OR56A3: variants seen among roughly 807,000 people sequenced by gnomAD.
The protein encoded by OR56A3 is olfactory receptor family 56 subfamily A member 3, also known as olfactory receptor 56A3.
OR56A3 carries 23 observed loss-of-function variants against 17.5 expected under a neutral mutation model. The observed-to-expected ratio is 1.32, with a 90% CI of 0.95 to 1.87. The LOEUF (loss-of-function observed/expected upper bound fraction) is 1.87. OR56A3 is among the 40% of genes most tolerant of loss of function. The pLI is 0.00. For missense variants in OR56A3, 366 were observed against 380.1 expected, an observed-to-expected ratio of 0.96 and a Z score of 0.31; for synonymous variants, 175 against 150.6, an observed-to-expected ratio of 1.16 and a Z score of -1.19.
At chr11:6,008,426 G>A in the OR56A3 span, among the ~76,000 whole-genome samples, 67 of 152,218 alleles carry the variant, frequency 4.4e-4, no homozygotes, top group African/African-American at 1.6e-3. Context: ...AATGTATATT[G>A]CTAAGAGCAT....
rs1411606919 is a variant in OR56A3, at chr11:5,949,488, G to T, written c.*1194G>T. The T allele has an allele frequency of 6.6e-6, 1 of 152,144 alleles. No homozygotes were observed. The highest frequency in any genetic ancestry group is 1.5e-5 in the Non-Finnish European group (1 of 68,036). 9.4% of individuals were successfully genotyped at this position (152,144 alleles called of 1,614,324 possible). ...CCGCCTGGGAAGAAATCAAATAAGA[G>T]AATTCACTGTGTTTCCCATTATTCA... is the stretch of plus-strand genomic sequence containing the variant. On this transcript the variant is annotated 3_prime_UTR_variant, in exon 3 of 3. Coordinates refer to ENST00000641160, the MANE Select transcript of OR56A3 (RefSeq NM_001003443.3).
the OR56A3 span, among the ~76,000 whole-genome samples, chr11:6,013,873 C>T: frequency 6.6e-6 from 1 of 152,170 alleles, no homozygotes; most frequent in Non-Finnish European, 1.5e-5. Flanking sequence ...CACCAACACT[C>T]CCAGCAACCT....
chr11:5,950,968 T>C lies in OR56A3; in HGVS notation c.*2674T>C, dbSNP rs931254255. 2.0e-5 allele frequency: 3 copies of C among 152,150 alleles called. No individual in the cohort carries two copies. Among genetic ancestry groups the C allele is most frequent in the African/African-American group, 7.2e-5 (3 of 41,450 alleles). 9.4% of individuals were successfully genotyped at this position (152,150 alleles called of 1,614,324 possible). On this transcript the variant is annotated 3_prime_UTR_variant, in exon 3 of 3. Coordinates refer to ENST00000641160, the MANE Select transcript of OR56A3 (RefSeq NM_001003443.3). ...ATCTTATAATACAGTTATATTTATA[T>C]TATTTTGTTTTGGCTATAATTTTTC...
the OR56A3 span, among the ~76,000 whole-genome samples, chr11:6,016,820 T>TAA: frequency 3.0e-3 from 434 of 143,796 alleles, 1 homozygote; most frequent in East Asian, 0.01. Context: ...GAGATATCAT[T>TAA]AAAAAAAAAA....
the OR56A3 span, among the ~76,000 whole-genome samples, chr11:5,981,814 G>C: frequency 6.6e-6 from 1 of 152,140 alleles, no homozygotes; most frequent in Non-Finnish European, 1.5e-5. Flanking sequence ...GTTTGGATTT[G>C]TCCTTAGGAT....
chr11:6,015,013 A>AAAAAAAAAAAAAAC, the OR56A3 span, among the ~76,000 whole-genome samples: 1 of 150,714 alleles, frequency 6.6e-6, no homozygotes, highest in Non-Finnish European at 1.5e-5. Context: ...AAAAAAAAAA[A>AAAAAAAAAAAAAAC]AATGACCTGA....
the OR56A3 span, among the ~76,000 whole-genome samples, chr11:5,983,900 G>C: frequency 6.6e-6 from 1 of 152,170 alleles, no homozygotes; most frequent in Admixed American, 6.5e-5. Context: ...AAATACCATA[G>C]CCTAACCTGC....
the OR56A3 span, among the ~76,000 whole-genome samples, chr11:5,983,988 A>T: frequency 6.6e-6 from 1 of 152,204 alleles, no homozygotes; most frequent in Non-Finnish European, 1.5e-5. Flanking sequence ...TATTCCGCTA[A>T]GGTTCCATTT....
chr11:5,956,938 C>G, the OR56A3 span, among the ~76,000 whole-genome samples: 7 of 152,136 alleles, frequency 4.6e-5, no homozygotes, highest in Non-Finnish European at 7.3e-5. Flanking sequence ...AGGCAATTCC[C>G]TGAGGTCAGG....
chr11:5,960,677 C>A, the OR56A3 span, among the ~76,000 whole-genome samples: 1 of 152,090 alleles, frequency 6.6e-6, no homozygotes, highest in Non-Finnish European at 1.5e-5. Context: ...TGCCCGGCCG[C>A]CACCCCGTCT....
At chr11:5,972,308 A>G in the OR56A3 span, among the ~76,000 whole-genome samples, 1 of 152,324 alleles carries the variant, frequency 6.6e-6, no homozygotes, top group South Asian at 2.1e-4. Context: ...TAGGATTCCT[A>G]AATCTTCATG....
the OR56A3 span, chr11:6,020,354 G>T: frequency 6.6e-6 from 1 of 152,074 alleles, no homozygotes; most frequent in Non-Finnish European, 1.5e-5. Context: ...GAATGTCATT[G>T]GTAGTTTGAC....
At chr11:6,004,658 G>A in the OR56A3 span, among the ~76,000 whole-genome samples, 1 of 152,094 alleles carries the variant, frequency 6.6e-6, no homozygotes, top group African/African-American at 2.4e-5. Flanking sequence ...ACTGGAATAG[G>A]CACAATTATG....
the OR56A3 span, chr11:5,985,934 G>A: frequency 4.4e-6 from 7 of 1,596,554 alleles, no homozygotes; most frequent in Non-Finnish European, 6.0e-6. Context: ...ATGAGAATAT[G>A]TTCAGATCAA....
Position 5,950,835 on chromosome 11 carries a change from G to A in OR56A3, c.*2541G>A, listed in dbSNP as rs1160295179. On this transcript the variant is annotated 3_prime_UTR_variant, in exon 3 of 3. Transcript: ENST00000641160. ...TCCAAGCATTCAATAGCCACGTGAG[G>A]CTAGTGACTATGGTATTAATCAGTA... is the stretch of plus-strand genomic sequence containing the variant. 5 of 152,190 alleles carry A rather than the reference G, an allele frequency of 3.3e-5. No homozygotes were observed. The highest frequency in any genetic ancestry group is 3.4e-3 in the Middle Eastern group (1 of 294). The allele number at this position is 152,190 out of a possible 1,614,324, so 9.4% of individuals were successfully genotyped here.
At chr11:5,963,303 T>G in the OR56A3 span, among the ~76,000 whole-genome samples, 2 of 152,150 alleles carry the variant, frequency 1.3e-5, no homozygotes, top group African/African-American at 4.8e-5. Context: ...TCTTTATTCA[T>G]GTATGTGTTT....
chr11:5,984,122 A>G, the OR56A3 span, among the ~76,000 whole-genome samples: 1 of 152,234 alleles, frequency 6.6e-6, no homozygotes, highest in Non-Finnish European at 1.5e-5. Flanking sequence ...TTTAGAATTA[A>G]GAGTCTCTCC....
chr11:5,977,155 A>C, the OR56A3 span, among the ~76,000 whole-genome samples: 2 of 152,166 alleles, frequency 1.3e-5, no homozygotes, highest in Non-Finnish European at 2.9e-5. Context: ...TGCTATTGTG[A>C]ATAGTGCTCC....
the OR56A3 span, among the ~76,000 whole-genome samples, chr11:5,961,106 C>A: frequency 6.6e-6 from 1 of 151,394 alleles, no homozygotes; most frequent in Admixed American, 6.6e-5. Context: ...CAGCCCGCGC[C>A]CGGCCAGCCG....
Sources: allele counts gnomAD v4.1 joint callset (sites outside exome capture counted in the v4.1 genomes callset), GRCh38; gene constraint gnomAD v4.1.1; transcripts MANE v1.5; gene names NCBI Gene and HGNC (gene_info 2026-07-23, HGNC 2026-07-21).